The following RALGAPA2 variants were observed in gnomAD, a reference collection of about 807,000 sequenced individuals.
The protein encoded by RALGAPA2 is Ral GTPase activating protein catalytic subunit alpha 2.
Under a neutral mutation model 230.4 loss-of-function variants are expected in RALGAPA2, and 139 were observed. The observed-to-expected ratio is 0.60, with a 90% CI of 0.53 to 0.69. RALGAPA2 has a LOEUF of 0.69. Ranked by LOEUF, RALGAPA2 falls within the 30% of genes least tolerant of loss-of-function variation. The pLI, the probability that RALGAPA2 is intolerant of heterozygous loss-of-function variation, is 0.00. For synonymous variants in RALGAPA2, 847 were observed against 837.8 expected (o/e 1.01, Z -0.19); for missense variants, 2,163 against 2,276.0 (o/e 0.95, Z 1.01).
At chr20:20,458,826 A>ATATATATAGACCTATATATATAGACC (rs1569418132) in intron 37 of RALGAPA2, among the ~76,000 whole-genome samples, 5 of 6,536 alleles carry the variant, frequency 7.6e-4, no homozygotes, top group Admixed American at 1.9e-3. Flanking sequence ...ATAGACCTAT[A>ATATATATAGACCTATATATATAGACC]TATATATATA....
chr20:20,571,854 C>T lies in RALGAPA2; in HGVS notation c.2994G>A (p.Leu998=), dbSNP rs899131366. ...TAAACACATATCCACTTGCCTTAAA[C>T]AGCCATGATGCAAACATTCTGAGTG... The part of the protein sequence containing the change: ...IPPLRMFASW[L]FKAATLPNEY... The change falls in exon 22 of 40, where the codon CTG becomes CTA. Residue 998 remains leucine, a synonymous_variant. Coordinates refer to ENST00000202677, the MANE Select transcript of RALGAPA2 (RefSeq NM_020343.4). 1.2e-6 allele frequency: 2 copies of T among 1,607,370 alleles called. No individual in the cohort carries two copies. Among genetic ancestry groups the T allele is most frequent in the Non-Finnish European group, 8.5e-7 (1 of 1,175,352 alleles).
intron 18 of RALGAPA2, among the ~76,000 whole-genome samples, chr20:20,587,884 G>C (rs763843449): frequency 9.9e-5 from 15 of 151,880 alleles, no homozygotes; most frequent in Non-Finnish European, 1.9e-4. Flanking sequence ...TAAACATATG[G>C]GAAGATTTTT....
intron 2 of RALGAPA2, among the ~76,000 whole-genome samples, chr20:20,678,110 G>A (rs996379845): frequency 2.0e-5 from 3 of 152,176 alleles, no homozygotes; most frequent in Admixed American, 6.5e-5. Context: ...GAACAGGCCG[G>A]TGATTCTGGA....
chr20:20,443,785 T>G (rs1043655864), intron 37 of RALGAPA2, among the ~76,000 whole-genome samples: 4 of 152,244 alleles, frequency 2.6e-5, no homozygotes, highest in Admixed American at 6.5e-5. Context: ...CTTAGTACAG[T>G]GCACAACAAA....
chr20:20,439,798 A>C (rs1468292038), intron 37 of RALGAPA2, among the ~76,000 whole-genome samples: 1 of 152,234 alleles, frequency 6.6e-6, no homozygotes, highest in Non-Finnish European at 1.5e-5. Flanking sequence ...ACACACCATG[A>C]GTACAAAGTA....
At chr20:20,481,706 G>C (rs980642721) in intron 36 of RALGAPA2, among the ~76,000 whole-genome samples, 1 of 152,186 alleles carries the variant, frequency 6.6e-6, no homozygotes, top group African/African-American at 2.4e-5. Context: ...CTGCATACAG[G>C]TGTGAAAACT....
intron 15 of RALGAPA2, among the ~76,000 whole-genome samples, chr20:20,602,309 T>C (rs1371440219): frequency 6.6e-6 from 1 of 152,178 alleles, no homozygotes; most frequent in Non-Finnish European, 1.5e-5. Context: ...AACTCTAATG[T>C]GGATTCAGTC....
chr20:20,666,701 T>G (rs1333772195), intron 3 of RALGAPA2, among the ~76,000 whole-genome samples: 1 of 152,234 alleles, frequency 6.6e-6, no homozygotes, highest in African/African-American at 2.4e-5. Context: ...TATGTATTAT[T>G]TGCTTATAAG....
At chr20:20,707,803 C>A (rs564883156) in intron 1 of RALGAPA2, among the ~76,000 whole-genome samples, 15 of 152,110 alleles carry the variant, frequency 9.9e-5, no homozygotes, top group Admixed American at 8.5e-4. Flanking sequence ...ACCTACCCTA[C>A]CCCTGGCCTA....
Position 20,437,691 on chromosome 20 carries a change from A to T in RALGAPA2, c.5496-25543T>A, listed in dbSNP as rs1057123744. 6.6e-6 allele frequency among the ~76,000 whole-genome samples: 1 copy of T among 152,152 alleles called. No individual in the cohort carries two copies. Among genetic ancestry groups the T allele is most frequent in the Non-Finnish European group, 1.5e-5 (1 of 68,030 alleles). On this transcript the variant is annotated intron_variant, in intron 37 of 39. Coordinates refer to ENST00000202677, the MANE Select transcript of RALGAPA2 (RefSeq NM_020343.4). The surrounding 1 kb of genome is among the most constrained non-coding windows in gnomAD (Gnocchi z 4.1). ...TCCTTCAGGTCTTTGCTCAAATGCC[A>T]GCTTTTCTCAGGAGGCACTGTGATC...
At chr20:20,525,869 G>A (rs1393104614) in intron 28 of RALGAPA2, among the ~76,000 whole-genome samples, 1 of 152,176 alleles carries the variant, frequency 6.6e-6, no homozygotes, top group Non-Finnish European at 1.5e-5. Flanking sequence ...TTTAGTCTGG[G>A]AGAGACTTCT....
chr20:20,445,432 G>T (rs1274016381), intron 37 of RALGAPA2, among the ~76,000 whole-genome samples: 1 of 152,200 alleles, frequency 6.6e-6, no homozygotes, highest in African/African-American at 2.4e-5. Context: ...CATTTACTCT[G>T]TTCTTGGAAC....
intron 31 of RALGAPA2, among the ~76,000 whole-genome samples, chr20:20,514,276 T>C (rs947223872): frequency 6.6e-6 from 1 of 152,006 alleles, no homozygotes; most frequent in Non-Finnish European, 1.5e-5. Context: ...CCCAAGCAGA[T>C]CTCCAGGAAT....
chr20:20,430,133 A>C (rs1197036603), intron 37 of RALGAPA2, among the ~76,000 whole-genome samples: 1 of 152,230 alleles, frequency 6.6e-6, no homozygotes, highest in Non-Finnish European at 1.5e-5. Context: ...CTGCAGGACC[A>C]TGCTGCAGTG....
At chr20:20,657,365 C>T (rs2067624631) in intron 3 of RALGAPA2, among the ~76,000 whole-genome samples, 1 of 152,182 alleles carries the variant, frequency 6.6e-6, no homozygotes, top group African/African-American at 2.4e-5. Flanking sequence ...GGATGGAAAG[C>T]CGAAGGTGTG....
chr20:20,599,391 C>A (rs2146187260), intron 16 of RALGAPA2, among the ~76,000 whole-genome samples: 1 of 152,306 alleles, frequency 6.6e-6, no homozygotes, highest in East Asian at 1.9e-4. Flanking sequence ...TTATTAAATC[C>A]ATACATCTTA....
intron 38 of RALGAPA2, among the ~76,000 whole-genome samples, chr20:20,401,760 C>T (rs1304062948): frequency 2.0e-5 from 3 of 152,104 alleles, no homozygotes; most frequent in Admixed American, 1.3e-4. Flanking sequence ...GTAGTTTTAC[C>T]GATAAAAACT....
chr20:20,666,694 GT>G (rs1229611583), intron 3 of RALGAPA2, among the ~76,000 whole-genome samples: 1 of 152,152 alleles, frequency 6.6e-6, no homozygotes, highest in African/African-American at 2.4e-5. Flanking sequence ...ACCTTGCTAT[GT>G]ATTATTTGCT....
chr20:20,503,648 G>C, intron 34 of RALGAPA2, 142 bp from the exon 35 acceptor site: 1 of 636,076 alleles, frequency 1.6e-6, no homozygotes, highest in Non-Finnish European at 2.3e-6. Context: ...GTAATACAAA[G>C]TTAGACCAGA....
Sources: gnomAD v4.1 joint callset for allele counts (sites outside exome capture counted in the v4.1 genomes callset) on GRCh38, gnomAD v4.1.1 for gene constraint, Gnocchi (gnomAD v3.1) non-coding constraint, MANE v1.5 for transcripts, NCBI Gene and HGNC (gene_info 2026-07-23, HGNC 2026-07-21) for gene names.